The following DIS3L2 variants were observed in gnomAD, a reference collection of about 807,000 sequenced individuals.
DIS3L2 encodes DIS3 like 3'-5' exoribonuclease 2.
Under a neutral mutation model 97.5 loss-of-function variants are expected in DIS3L2, and 34 were observed. The ratio of observed to expected loss-of-function variants is 0.35; its 90% CI spans 0.27 to 0.46. The LOEUF (loss-of-function observed/expected upper bound fraction) is 0.46, where lower values mean the gene tolerates loss of function less well. Among genes scored for constraint, DIS3L2 ranks in the 20% least tolerant of loss-of-function variants. The pLI, the probability that DIS3L2 is intolerant of heterozygous loss-of-function variation, is 1.00. For synonymous variants in DIS3L2, 435 were observed against 445.2 expected, an observed-to-expected ratio of 0.98 and a Z score of 0.29; for missense variants, 1,038 against 1,146.0, an observed-to-expected ratio of 0.91 and a Z score of 1.36.
intron 13 of DIS3L2, among the ~76,000 whole-genome samples, chr2:232,295,851 A>C (rs1694713451): frequency 6.6e-6 from 1 of 152,168 alleles, no homozygotes; most frequent in Non-Finnish European, 1.5e-5. Context: ...TCTTAGAAGG[A>C]TTTAACGCTG....
chr2:231,966,641 ATTTTTTTTTTTTTT>A (rs36151054), intron 1 of DIS3L2, among the ~76,000 whole-genome samples: 507 of 50,416 alleles, frequency 0.01, 8 homozygotes, highest in African/African-American at 0.031. Flanking sequence ...GTTAAAAAAC[ATTTTTTTTTTTTTT>A]TTTTTTTTTT....
At chr2:232,246,038 G>A (rs927576055) in intron 11 of DIS3L2, among the ~76,000 whole-genome samples, 2 of 152,248 alleles carry the variant, frequency 1.3e-5, no homozygotes, top group Non-Finnish European at 2.9e-5. Context: ...TGTAGAGAGA[G>A]ACAGGAGTGA....
intron 5 of DIS3L2, among the ~76,000 whole-genome samples, chr2:232,038,393 G>C (rs2106249518): frequency 6.6e-6 from 1 of 152,286 alleles, no homozygotes; most frequent in East Asian, 1.9e-4. Flanking sequence ...TTAGCAAGTT[G>C]GGTGGGTGTA....
intron 10 of DIS3L2, among the ~76,000 whole-genome samples, chr2:232,223,913 C>CAT: frequency 6.6e-6 from 1 of 152,120 alleles, no homozygotes; most frequent in Non-Finnish European, 1.5e-5. Context: ...CATGGTGAAA[C>CAT]CCCATCTCTA....
chr2:232,125,752 G>T lies in DIS3L2; in HGVS notation c.602-4867G>T, dbSNP rs4973032. Among the ~76,000 whole-genome samples, 6,643 of 152,246 alleles carry T rather than the reference G, an allele frequency of 0.044. 776 individuals are homozygous for T. In the East Asian group the frequency reaches 0.45, roughly 10 times the overall value. On this transcript the variant is annotated intron_variant, in intron 6 of 20. Coordinates refer to ENST00000325385, the MANE Select transcript of DIS3L2 (RefSeq NM_152383.5). Reference sequence around the variant, plus strand: ...AGTCTTGCCTTGACAGGAGCTAGATGTGGGGTCCTAGAATGATCATAAGCA... The same window carrying T: ...AGTCTTGCCTTGACAGGAGCTAGATTTGGGGTCCTAGAATGATCATAAGCA...
downstream of DIS3L2, chr2:232,340,871 C>T (rs933595862): frequency 6.4e-6 from 3 of 471,238 alleles, no homozygotes; most frequent in African/African-American, 6.0e-5. Flanking sequence ...AGGGATTGCC[C>T]TTCGTGGAGG....
At chr2:232,058,115 A>G (rs1695597768) in intron 5 of DIS3L2, among the ~76,000 whole-genome samples, 1 of 152,214 alleles carries the variant, frequency 6.6e-6, no homozygotes, top group Admixed American at 6.5e-5. Flanking sequence ...TTCTTCCCAT[A>G]AGTGAACTCA....
rs188790931 is a variant in DIS3L2 at position 231,971,291 on chromosome 2, A to G, written c.-94+9526A>G. 3.9e-3 allele frequency among the ~76,000 whole-genome samples: 585 copies of G among 150,552 alleles called. 3 individuals are homozygous for G. The highest frequency in any genetic ancestry group is 0.013 in the African/African-American group (534 of 40,542). On this transcript the variant is annotated intron_variant, in intron 1 of 20. Transcript: ENST00000325385. ...TTTGTCATTTTTTTTTTTTTGAGAC[A>G]GAGTCTCAGTCTTTCGCCAGGCTGG...
At chr2:232,002,489 T>C (rs1693935577) in intron 1 of DIS3L2, among the ~76,000 whole-genome samples, 1 of 152,208 alleles carries the variant, frequency 6.6e-6, no homozygotes, top group African/African-American at 2.4e-5. Flanking sequence ...TCCACAATCA[T>C]GAACATGGGA....
intron 9 of DIS3L2, among the ~76,000 whole-genome samples, chr2:232,187,926 C>G (rs910162786): frequency 6.6e-6 from 1 of 152,044 alleles, no homozygotes; most frequent in African/African-American, 2.4e-5. Context: ...CACTTCAGGT[C>G]AGGAGTTGGA....
chr2:232,262,612 C>G (rs559620008), intron 12 of DIS3L2, among the ~76,000 whole-genome samples: 1 of 152,332 alleles, frequency 6.6e-6, no homozygotes, highest in African/African-American at 2.4e-5. Flanking sequence ...ATATACAGTT[C>G]AGCCCCCTGG....
rs538942966 is a variant in DIS3L2 at position 231,981,156 on chromosome 2, C to G, written c.-94+19391C>G. 3.3e-5 allele frequency among the ~76,000 whole-genome samples: 5 copies of G among 152,206 alleles called. No homozygotes were observed. The East Asian group carries it at 9.7e-4, about 29-fold the overall frequency. ...ATGGGGTTTCTCCATGTTGGGCAGG[C>G]TAGTCTTGAAATCCTGACCTCAAGT... is the stretch of plus-strand genomic sequence containing the variant. On this transcript the variant is annotated intron_variant, in intron 1 of 20. Coordinates refer to ENST00000325385, the MANE Select transcript of DIS3L2 (RefSeq NM_152383.5).
At chr2:232,040,613 G>A (rs1695083454) in intron 5 of DIS3L2, among the ~76,000 whole-genome samples, 1 of 151,922 alleles carries the variant, frequency 6.6e-6, no homozygotes, top group Non-Finnish European at 1.5e-5. Context: ...CCCCAATACG[G>A]TAAATTACAA....
intron 6 of DIS3L2, among the ~76,000 whole-genome samples, chr2:232,112,924 A>G (rs1697583153): frequency 6.6e-6 from 1 of 152,172 alleles, no homozygotes; most frequent in African/African-American, 2.4e-5. Context: ...TGGTATGAAC[A>G]GGGTCACAGA....
intron 8 of DIS3L2, among the ~76,000 whole-genome samples, chr2:232,144,792 A>T (rs1229257458): frequency 6.6e-6 from 1 of 152,130 alleles, no homozygotes; most frequent in Non-Finnish European, 1.5e-5. Flanking sequence ...TCCTTCACGA[A>T]CTTTACACTT....
At chr2:232,039,316 G>A (rs2106250590) in intron 5 of DIS3L2, among the ~76,000 whole-genome samples, 1 of 152,300 alleles carries the variant, frequency 6.6e-6, no homozygotes, top group South Asian at 2.1e-4. Context: ...AAACATACTG[G>A]CCAATTGTCT....
intron 15 of DIS3L2, 52 bp from the exon 16 acceptor site, chr2:232,330,638 C>T (rs1695707680): frequency 6.3e-7 from 1 of 1,587,406 alleles, no homozygotes; most frequent in Middle Eastern, 1.7e-4. Flanking sequence ...GGCCCAGAGT[C>T]TCTGCCCGAG....
intron 5 of DIS3L2, among the ~76,000 whole-genome samples, chr2:232,079,996 TTG>T (rs1696339246): frequency 6.6e-6 from 1 of 152,228 alleles, no homozygotes; most frequent in Non-Finnish European, 1.5e-5. Flanking sequence ...ATGATCTGAT[TTG>T]TGTTTTAAAA....
At chr2:232,287,863 G>C (rs1301312635) in intron 13 of DIS3L2, among the ~76,000 whole-genome samples, 2 of 152,170 alleles carry the variant, frequency 1.3e-5, no homozygotes. Context: ...ATGTCATTCT[G>C]TAAAGAAATA....
Sources: gnomAD v4.1 joint callset for allele counts (sites outside exome capture counted in the v4.1 genomes callset) on GRCh38, gnomAD v4.1.1 for gene constraint, MANE v1.5 for transcripts, NCBI Gene and HGNC (gene_info 2026-07-23, HGNC 2026-07-21) for gene names.